Variants in CLHC1 observed in about 807,000 individuals in gnomAD.
The protein encoded by CLHC1 is clathrin heavy chain linker domain containing 1.
A neutral mutation model predicts 69.5 loss-of-function variants in CLHC1; 72 were observed. That is an observed-to-expected ratio of 1.04 (90% CI 0.86 to 1.26). CLHC1 has a LOEUF of 1.26. Among genes scored for constraint, CLHC1 ranks in the 50% most tolerant of loss-of-function variants. CLHC1 has a pLI of 0.00. For missense variants in CLHC1, 790 were observed against 679.3 expected (o/e 1.16, Z -1.81); for synonymous variants, 223 against 224.3 (o/e 0.99, Z 0.05).
chr2:55,214,980 T>C (rs890600650), intron 4 of CLHC1: 2 of 152,244 alleles, frequency 1.3e-5, no homozygotes, highest in African/African-American at 2.4e-5. Context: ...TTCACTGAGA[T>C]GAATCTAGTT....
rs772472853 is a variant in CLHC1, at chr2:55,229,590, G to A, written c.-255-1386C>T. The stretch of plus-strand genomic sequence containing the variant: ...ATCAGCCTAGGGGGTACCTTTGTGC[G>A]GTTTAGAAAAAGAGGTCCCTTTCTC... On this transcript the variant is annotated intron_variant, in intron 1 of 12. Coordinates refer to ENST00000401408, the MANE Select transcript of CLHC1 (RefSeq NM_152385.4). Among the ~76,000 whole-genome samples the A allele has an allele frequency of 6.6e-5, 10 of 152,184 alleles. No individual in the cohort carries two copies. In the East Asian group the frequency reaches 7.7e-4, roughly 12 times the overall value.
chr2:55,176,726 T>C (rs1273581844), intron 12 of CLHC1, among the ~76,000 whole-genome samples: 1 of 152,204 alleles, frequency 6.6e-6, no homozygotes, highest in African/African-American at 2.4e-5. Flanking sequence ...ATTATTATTT[T>C]TATATGAAAA....
At chr2:55,230,436 C>A (rs1244810656) in intron 1 of CLHC1, among the ~76,000 whole-genome samples, 1 of 152,112 alleles carries the variant, frequency 6.6e-6, no homozygotes, top group Non-Finnish European at 1.5e-5. Flanking sequence ...GAGTAGATAG[C>A]TGGATATGTG....
rs539947321 is a variant in CLHC1, at chr2:55,176,981, C to G, written c.1564+621G>C. Among the ~76,000 whole-genome samples, 9 of 152,274 alleles carry G rather than the reference C, an allele frequency of 5.9e-5. 1 individual carries two copies. The East Asian group carries it at 1.7e-3, about 29-fold the overall frequency. On this transcript the variant is annotated intron_variant, in intron 12 of 12. Transcript: ENST00000401408. ...TTGAGCTCCCTGGGCTCAGGCGATC[C>G]TTCCACCTCATCCTCTCAAGTAGCT...
chr2:55,183,019 A>T (rs1670068286), intron 9 of CLHC1, among the ~76,000 whole-genome samples: 1 of 152,212 alleles, frequency 6.6e-6, no homozygotes, highest in Non-Finnish European at 1.5e-5. Context: ...CACACCCAAG[A>T]AACATCAAAG....
chr2:55,191,869 G>T (rs187694081), intron 9 of CLHC1, among the ~76,000 whole-genome samples: 18 of 152,180 alleles, frequency 1.2e-4, no homozygotes, highest in African/African-American at 4.3e-4. Context: ...TGGTGTGGTG[G>T]TGCACACCTG....
intron 9 of CLHC1, among the ~76,000 whole-genome samples, chr2:55,196,759 G>C (rs974651960): frequency 1.3e-5 from 2 of 152,184 alleles, no homozygotes; most frequent in African/African-American, 4.8e-5. Context: ...GTGTGACCCA[G>C]CACATTCCCA....
chr2:55,219,548 T>C (rs993871432), intron 3 of CLHC1, among the ~76,000 whole-genome samples: 1 of 152,206 alleles, frequency 6.6e-6, no homozygotes, highest in African/African-American at 2.4e-5. Flanking sequence ...ACAATCTCCT[T>C]TACTGGTTTA....
At chr2:55,208,865 C>CTTTT in intron 7 of CLHC1, among the ~76,000 whole-genome samples, 155 bp from the exon 8 acceptor site, 1 of 90,836 alleles carries the variant, frequency 1.1e-5, no homozygotes, top group South Asian at 4.1e-4. Context: ...TCCCTTTCCT[C>CTTTT]TTTTTTTTTT....
chr2:55,200,225 TA>T (rs34374033), intron 9 of CLHC1, among the ~76,000 whole-genome samples: 1,214 of 52,898 alleles, frequency 0.023, 28 homozygotes, highest in African/African-American at 0.096. Flanking sequence ...AAGACTGTCT[TA>T]AAAAAAAAAA....
Position 55,212,692 on chromosome 2 carries a change from A to T in CLHC1, c.480T>A (p.Asp160Glu). 1 of 1,598,232 alleles carries T rather than the reference A, an allele frequency of 6.3e-7. No homozygotes were observed. The highest frequency in any genetic ancestry group is 8.6e-7 in the Non-Finnish European group (1 of 1,165,832). The change falls in exon 5 of 13, where the codon GAT becomes GAA. Residue 160 changes from aspartate (D) to glutamate (E), a missense_variant. Transcript: ENST00000401408. ...CAATACCTGGAATAGGTTTTGAAGG[A>T]TCTTTGGAGAAAGTACAATATTTTA... The part of the protein sequence containing the change: ...KEVKYCTFSK[D>E]PSKPIPGMTL...
intron 1 of CLHC1, chr2:55,231,773 C>T (rs1675397482): frequency 6.6e-6 from 1 of 152,190 alleles, no homozygotes; most frequent in African/African-American, 2.4e-5. Context: ...CTCCCAATGC[C>T]CAAATTTGGA....
At chr2:55,196,000 C>T (rs1184035945) in intron 9 of CLHC1, among the ~76,000 whole-genome samples, 2 of 152,186 alleles carry the variant, frequency 1.3e-5, no homozygotes, top group East Asian at 1.9e-4. Flanking sequence ...GCAGTGGCCA[C>T]GTGCCATGGA....
At chr2:55,223,306 G>A (rs1385151800) in intron 2 of CLHC1, among the ~76,000 whole-genome samples, 2 of 152,020 alleles carry the variant, frequency 1.3e-5, no homozygotes, top group African/African-American at 2.4e-5. Flanking sequence ...GCAAAAAGAG[G>A]TCCGGACTTC....
intron 9 of CLHC1, among the ~76,000 whole-genome samples, chr2:55,199,636 TTTTA>T (rs1380542293): frequency 1.3e-5 from 2 of 152,194 alleles, no homozygotes; most frequent in African/African-American, 2.4e-5. Context: ...CTTGTTAGTT[TTTTA>T]TTTGTTTATG....
chr2:55,212,490 A>G (rs887950008), intron 5 of CLHC1, among the ~76,000 whole-genome samples, 183 bp downstream of exon 5: 1 of 152,204 alleles, frequency 6.6e-6, no homozygotes, highest in Non-Finnish European at 1.5e-5. Context: ...CTGAAACTCA[A>G]TCTTTTAGAG....
At chr2:55,209,063 C>T (rs1463848069) in intron 7 of CLHC1, among the ~76,000 whole-genome samples, 1 of 151,804 alleles carries the variant, frequency 6.6e-6, no homozygotes, top group Non-Finnish European at 1.5e-5. Context: ...TTAGTAGAGA[C>T]GGGGTTTCAC....
rs1291331168 is a variant in CLHC1 at position 55,206,550 on chromosome 2, C to A, written c.900-174G>T. ...CACACTGTAAGATGTTCCTTGAAAT[C>A]CTTCTCTAGTACTCTGTTGGGTTTT... is the stretch of plus-strand genomic sequence containing the variant. On this transcript the variant is annotated intron_variant, in intron 8 of 12. Coordinates refer to ENST00000401408, the MANE Select transcript of CLHC1 (RefSeq NM_152385.4). Among the ~76,000 whole-genome samples, 3 of 152,082 alleles carry A rather than the reference C, an allele frequency of 2.0e-5. No individual in the cohort carries two copies. In the South Asian group the frequency reaches 6.2e-4, roughly 32 times the overall value.
intron 2 of CLHC1, among the ~76,000 whole-genome samples, chr2:55,223,706 C>T (rs1167828857): frequency 6.6e-6 from 1 of 152,134 alleles, no homozygotes; most frequent in Non-Finnish European, 1.5e-5. Context: ...CTCACAGGCA[C>T]CGCCCCCAGG....
Sources: gnomAD v4.1 joint callset for allele counts (sites outside exome capture counted in the v4.1 genomes callset) on GRCh38, gnomAD v4.1.1 for gene constraint, MANE v1.5 for transcripts, NCBI Gene and HGNC (gene_info 2026-07-23, HGNC 2026-07-21) for gene names.